Variants in WDR49 observed in about 807,000 individuals in gnomAD.
The protein encoded by WDR49 is cilia- and flagella-associated protein 337.
In WDR49, 107 loss-of-function variants were observed where a neutral mutation model predicts 119.5. The observed-to-expected ratio is 0.90, with a 90% CI of 0.77 to 1.05. WDR49 has a LOEUF of 1.05. Ranked by LOEUF, WDR49 falls within the 50% of genes least tolerant of loss-of-function variation. The pLI is 0.00. For synonymous variants in WDR49, 425 were observed against 418.8 expected (o/e 1.01, Z -0.18); for missense variants, 1,240 against 1,220.5 (o/e 1.02, Z -0.24).
intron 7 of WDR49, among the ~76,000 whole-genome samples, chr3:167,594,371 A>G (rs1715300550): frequency 6.6e-6 from 1 of 152,184 alleles, no homozygotes; most frequent in Non-Finnish European, 1.5e-5. Context: ...AGCAAAGGTC[A>G]AACTTCCTAT....
In WDR49 at chr3:167,478,840, C is replaced by T. The variant is rs1260344116; in HGVS notation, c.*38G>A. 2.2e-6 allele frequency: 3 copies of T among 1,378,366 alleles called. No homozygotes were observed. The highest frequency in any genetic ancestry group is 1.3e-5 in the South Asian group (1 of 77,436). 85.4% of individuals were successfully genotyped at this position (1,378,366 alleles called of 1,614,324 possible). ...TTGATGCTTTTTCTGCATTTTATAT[C>T]TGTACCTTATGTAACAGTGAAGGTT... On this transcript the variant is annotated 3_prime_UTR_variant, in exon 19 of 19. Coordinates refer to ENST00000682715, the MANE Select transcript of WDR49 (RefSeq NM_001366157.1).
chr3:167,651,290 C>A (rs1718367570), intron 2 of WDR49, among the ~76,000 whole-genome samples: 1 of 152,124 alleles, frequency 6.6e-6, no homozygotes, highest in South Asian at 2.1e-4. Flanking sequence ...CTTGACATTT[C>A]TAAGAGCATG....
At chr3:167,556,999 T>G (rs1028908620) in intron 9 of WDR49, among the ~76,000 whole-genome samples, 1 of 152,066 alleles carries the variant, frequency 6.6e-6, no homozygotes, top group Non-Finnish European at 1.5e-5. Flanking sequence ...CACTCTAGCC[T>G]GAGTGACAGA....
At chr3:167,625,045 T>C (rs989750643) in intron 3 of WDR49, among the ~76,000 whole-genome samples, 1 of 152,016 alleles carries the variant, frequency 6.6e-6, no homozygotes, top group African/African-American at 2.4e-5. Context: ...ATCTACTCCA[T>C]GGTGATTTTG....
At chr3:167,610,683 T>C (rs999264036) in intron 5 of WDR49, among the ~76,000 whole-genome samples, 1 of 152,182 alleles carries the variant, frequency 6.6e-6, no homozygotes. Context: ...CCCAGGGCCT[T>C]GAGTGAACAT....
At chr3:167,490,255 T>G (rs76003455) in intron 18 of WDR49, among the ~76,000 whole-genome samples, 1,929 of 152,284 alleles carry the variant, frequency 0.013, 37 homozygotes, top group African/African-American at 0.044. Flanking sequence ...AAATATGTTG[T>G]TCACATATTA....
chr3:167,656,662 A>G (rs560447826), upstream of WDR49, among the ~76,000 whole-genome samples: 19 of 152,350 alleles, frequency 1.2e-4, no homozygotes, highest in South Asian at 3.9e-3. Flanking sequence ...TTGCTATAAA[A>G]TTATGACATT....
intron 17 of WDR49, among the ~76,000 whole-genome samples, chr3:167,502,886 T>A (rs1560254277): frequency 6.6e-6 from 1 of 152,002 alleles, no homozygotes; most frequent in Admixed American, 6.6e-5. Context: ...CAAACAAATT[T>A]AAAAAAAGCA....
At chr3:167,513,530 C>A (rs909466477) in intron 16 of WDR49, among the ~76,000 whole-genome samples, 2 of 152,182 alleles carry the variant, frequency 1.3e-5, no homozygotes, top group Non-Finnish European at 2.9e-5. Context: ...AGACCAATGA[C>A]ACCATGAAGA....
chr3:167,518,675 A>T (rs1192574263), intron 16 of WDR49, among the ~76,000 whole-genome samples: 9 of 151,150 alleles, frequency 6.0e-5, no homozygotes, highest in African/African-American at 1.9e-4. Flanking sequence ...TTTCTCCCAT[A>T]TTGTAGGTTG....
intron 7 of WDR49, among the ~76,000 whole-genome samples, chr3:167,588,106 A>T (rs1714911866): frequency 6.6e-6 from 1 of 152,020 alleles, no homozygotes; most frequent in Admixed American, 6.6e-5. Flanking sequence ...CTCCCCCACC[A>T]CTACCCTTCC....
At chr3:167,622,704 T>C (rs983224261) in intron 3 of WDR49, among the ~76,000 whole-genome samples, 12 of 152,040 alleles carry the variant, frequency 7.9e-5, no homozygotes, top group Non-Finnish European at 1.5e-5. Context: ...TGACAAACAC[T>C]ATAAGCCAAC....
rs1192790626 is a variant in WDR49, at chr3:167,527,944, T to C, written c.2480A>G (p.Glu827Gly). The change falls in exon 15 of 19, where the codon GAG (glutamate) becomes GGG (glycine). Residue 827 changes from glutamate (E) to glycine (G), a missense_variant. Physicochemically the swap from Glu to Gly is moderately conservative, Grantham distance 98. Coordinates refer to ENST00000682715, the MANE Select transcript of WDR49 (RefSeq NM_001366157.1). ...PTLIRSFQPHEDRISSLEMCE... is the reference protein window; with the variant it reads ...PTLIRSFQPHGDRISSLEMCE... ...CATCTCTAAGGAACTTATTCGGTCCTCATGAGGTTGGAATGATCTTATCAG... is the reference window on the plus strand; with the variant it reads ...CATCTCTAAGGAACTTATTCGGTCCCCATGAGGTTGGAATGATCTTATCAG... 6.2e-7 allele frequency: 1 copy of C among 1,613,362 alleles called. No individual in the cohort carries two copies. The highest frequency in any genetic ancestry group is 2.2e-5 in the East Asian group (1 of 44,824).
Position 167,604,300 on chromosome 3 carries a change from C to T in WDR49, c.1126+1G>A. The T allele has an allele frequency of 6.2e-7, 1 of 1,613,074 alleles. No individual in the cohort carries two copies. Among genetic ancestry groups the T allele is most frequent in the Non-Finnish European group, 8.5e-7 (1 of 1,179,566 alleles). The stretch of plus-strand genomic sequence containing the variant: ...TAGTTATCATGATTTATTTTACCTA[C>T]CAATTAAATTGAGCCGAGAGTGATA... On this transcript the variant is annotated splice_donor_variant, in intron 6 of 18. Transcript: ENST00000682715. LOFTEE classifies it high-confidence loss of function.
chr3:167,569,136 GT>G (rs771045998), intron 8 of WDR49, among the ~76,000 whole-genome samples: 11 of 152,014 alleles, frequency 7.2e-5, no homozygotes, highest in Admixed American at 1.3e-4. Context: ...TAGAGATGGG[GT>G]TTTACCATGT....
intron 18 of WDR49, among the ~76,000 whole-genome samples, chr3:167,488,336 A>G (rs1751003805): frequency 6.6e-6 from 1 of 152,016 alleles, no homozygotes; most frequent in Non-Finnish European, 1.5e-5. Flanking sequence ...ATTAAGGGTT[A>G]AACACTGAGC....
intron 18 of WDR49, among the ~76,000 whole-genome samples, chr3:167,499,632 G>A (rs955433454): frequency 5.9e-5 from 9 of 152,092 alleles, no homozygotes; most frequent in South Asian, 2.1e-4. Context: ...TGTACATCTT[G>A]TTTCTATATC....
In WDR49 at chr3:167,500,165, A is replaced by G. The variant is rs1401396342; in HGVS notation, c.3019T>C (p.Ser1007Pro). ...EERPQILEAP[S>P]LFKTLKAVFD... The stretch of plus-strand genomic sequence containing the variant: ...GCTGAGAACTTACTTTTAAAAAGTG[A>G]CGGGGCCTCCAGAATTTGGGGACGC... Residue 1007 changes from serine (S) to proline (P), a missense_variant, in exon 18 of 19, where the codon TCA (serine) becomes CCA (proline). Transcript: ENST00000682715. 13 of 1,571,658 alleles carry G rather than the reference A, an allele frequency of 8.3e-6. No individual in the cohort carries two copies. The Admixed American group carries it at 1.7e-4, about 20-fold the overall frequency.
intron 2 of WDR49, among the ~76,000 whole-genome samples, chr3:167,649,035 T>A (rs1718255402): frequency 6.6e-6 from 1 of 152,144 alleles, no homozygotes; most frequent in South Asian, 2.1e-4. Flanking sequence ...TTATGGACCA[T>A]CTCATTTTAT....
Sources: allele counts gnomAD v4.1 joint callset (sites outside exome capture counted in the v4.1 genomes callset), GRCh38; gene constraint gnomAD v4.1.1; transcripts MANE v1.5; gene names NCBI Gene and HGNC (gene_info 2026-07-23, HGNC 2026-07-21).